ARHGAP19: variants seen among roughly 807,000 people sequenced by gnomAD.
The protein encoded by ARHGAP19 is Rho GTPase activating protein 19.
In ARHGAP19, 48 loss-of-function variants were observed where a neutral mutation model predicts 60.9. The ratio of observed to expected loss-of-function variants is 0.79; its 90% CI spans 0.62 to 1.00. The LOEUF (loss-of-function observed/expected upper bound fraction) is 1.00, where lower values mean the gene tolerates loss of function less well. ARHGAP19 is among the 50% of genes least tolerant of loss of function. The probability of loss-of-function intolerance (pLI) is 0.00; values close to 1 mark genes in which losing one functional copy is unlikely to be tolerated. For synonymous variants in ARHGAP19, 209 were observed against 215.5 expected (o/e 0.97, Z 0.27); for missense variants, 562 against 597.2 (o/e 0.94, Z 0.61).
chr10:97,236,433 C>T (rs916021813), intron 8 of ARHGAP19, among the ~76,000 whole-genome samples: 4 of 152,010 alleles, frequency 2.6e-5, no homozygotes, highest in African/African-American at 7.2e-5. Flanking sequence ...AAATTAGCCA[C>T]GTCTGAAGAG....
chr10:97,252,153 C>T (rs12356648), intron 6 of ARHGAP19, among the ~76,000 whole-genome samples: 6,576 of 151,970 alleles, frequency 0.043, 211 homozygotes, highest in Non-Finnish European at 0.061. Flanking sequence ...AATGATAAAG[C>T]AGGAACATAG....
intron 11 of ARHGAP19, among the ~76,000 whole-genome samples, chr10:97,228,795 T>G (rs192913189): frequency 6.6e-6 from 1 of 152,238 alleles, no homozygotes; most frequent in East Asian, 1.9e-4. Flanking sequence ...AACTATTCCA[T>G]AAGCATACTC....
At chr10:97,278,906 T>C (rs985827823) in intron 1 of ARHGAP19, among the ~76,000 whole-genome samples, 9 of 152,154 alleles carry the variant, frequency 5.9e-5, no homozygotes, top group Non-Finnish European at 7.3e-5. Flanking sequence ...CCCTGGTGAA[T>C]TGCCTAACTT....
At position 97,241,735 on chromosome 10, in the gene ARHGAP19, T is replaced by C. The variant is rs371397147; in HGVS notation, c.1185+2233A>G. Among the ~76,000 whole-genome samples the C allele has an allele frequency of 2.9e-3, 422 of 147,250 alleles. 2 individuals carry two copies. Among genetic ancestry groups the C allele is most frequent in the African/African-American group, 9.4e-3 (371 of 39,616 alleles). On this transcript the variant is annotated intron_variant, in intron 8 of 11. Coordinates refer to ENST00000358531, the MANE Select transcript of ARHGAP19 (RefSeq NM_032900.6). ...CTCAAAAAAATAAAAATAGGCCGGG[T>C]GCAGTGGCTCAAGCCTATAATCCCA...
At chr10:97,241,753 T>C (rs546716248) in intron 8 of ARHGAP19, among the ~76,000 whole-genome samples, 1 of 151,316 alleles carries the variant, frequency 6.6e-6, no homozygotes, top group South Asian at 2.1e-4. Context: ...CTCAAGCCTA[T>C]AATCCCAGCA....
chr10:97,235,742 G>C (rs754682307), intron 8 of ARHGAP19, among the ~76,000 whole-genome samples: 3 of 152,018 alleles, frequency 2.0e-5, no homozygotes, highest in Admixed American at 6.6e-5. Flanking sequence ...TCTTTAAATG[G>C]ACATCTATCA....
chr10:97,270,790 G>A, intron 1 of ARHGAP19: 5 of 806,996 alleles, frequency 6.2e-6, no homozygotes, highest in Non-Finnish European at 7.4e-6. Flanking sequence ...TTAGGACTCT[G>A]AGCACTCATC....
chr10:97,291,218 G>T (rs554156311), intron 1 of ARHGAP19, among the ~76,000 whole-genome samples: 1 of 152,254 alleles, frequency 6.6e-6, no homozygotes, highest in East Asian at 1.9e-4. Flanking sequence ...CCCTTTGTGT[G>T]GGAGCTGTGT....
At chr10:97,232,967 G>A (rs1234926432) in intron 9 of ARHGAP19, among the ~76,000 whole-genome samples, 2 of 152,176 alleles carry the variant, frequency 1.3e-5, no homozygotes, top group East Asian at 3.9e-4. Context: ...GGCCAACATG[G>A]TGAAACCCCA....
rs372891158 is a variant in ARHGAP19 at position 97,246,312 on chromosome 10, G to A, written c.953C>T (p.Ala318Val). ...TCTGGATCCCAAATAGTGCAATCTC[G>A]CACACTCCCGAATGTAAGCAGGAGC... Reference protein sequence around the residue: ...FKAPAYIRECARLHYLGSRTQ... With the variant: ...FKAPAYIRECVRLHYLGSRTQ... The change falls in exon 7 of 12, where the codon GCG becomes GTG. Residue 318 changes from alanine to valine, a missense_variant. Coordinates refer to ENST00000358531, the MANE Select transcript of ARHGAP19 (RefSeq NM_032900.6). 3.2e-5 allele frequency: 52 copies of A among 1,613,406 alleles called. No homozygotes were observed. Among genetic ancestry groups the A allele is most frequent in the African/African-American group, 1.1e-4 (8 of 74,840 alleles).
intron 4 of ARHGAP19, among the ~76,000 whole-genome samples, chr10:97,261,901 T>C (rs1378285106): frequency 1.3e-5 from 2 of 152,144 alleles, no homozygotes; most frequent in Non-Finnish European, 1.5e-5. Flanking sequence ...GAAGAAACTA[T>C]TTATGAGCTG....
chr10:97,232,549 A>C (rs1851044780), intron 9 of ARHGAP19, among the ~76,000 whole-genome samples: 1 of 152,078 alleles, frequency 6.6e-6, no homozygotes, highest in South Asian at 2.1e-4. Flanking sequence ...CCTAATCATA[A>C]ATATGATTTG....
intron 9 of ARHGAP19, among the ~76,000 whole-genome samples, chr10:97,234,029 G>A (rs1211505611): frequency 2.6e-5 from 4 of 151,950 alleles, no homozygotes; most frequent in Non-Finnish European, 4.4e-5. Context: ...CAATTTGGGA[G>A]GCTGAGGCGG....
At chr10:97,226,792 A>G (rs1021990359) in intron 11 of ARHGAP19, among the ~76,000 whole-genome samples, 1 of 152,246 alleles carries the variant, frequency 6.6e-6, no homozygotes, top group Non-Finnish European at 1.5e-5. Context: ...AAAAAGTATT[A>G]TATTTGGCTG....
intron 9 of ARHGAP19, among the ~76,000 whole-genome samples, chr10:97,230,407 G>A (rs2134806458): frequency 6.6e-6 from 1 of 152,264 alleles, no homozygotes; most frequent in South Asian, 2.1e-4. Context: ...CCACAAGAAG[G>A]TAGAGGCCTT....
At chr10:97,255,357 T>C (rs899805744) in intron 6 of ARHGAP19, among the ~76,000 whole-genome samples, 22 of 152,232 alleles carry the variant, frequency 1.4e-4, no homozygotes, top group Admixed American at 3.3e-4. Context: ...GGCAGAAGGA[T>C]TGAACCCAGG....
At chr10:97,250,814 C>T (rs1842633787) in intron 6 of ARHGAP19, among the ~76,000 whole-genome samples, 1 of 151,628 alleles carries the variant, frequency 6.6e-6, no homozygotes, top group Admixed American at 6.6e-5. Flanking sequence ...GCCTGTAATC[C>T]CAACACTTTG....
intron 1 of ARHGAP19, among the ~76,000 whole-genome samples, chr10:97,266,412 C>T (rs142053165): frequency 5.0e-4 from 76 of 152,282 alleles, no homozygotes; most frequent in African/African-American, 1.8e-3. Context: ...CTGACCCATT[C>T]GTCATCATCT....
chr10:97,285,548 C>T (rs137992063), intron 1 of ARHGAP19, among the ~76,000 whole-genome samples: 241 of 127,596 alleles, frequency 1.9e-3, no homozygotes, highest in Non-Finnish European at 2.6e-3. Context: ...GAGACAGAGT[C>T]TCTCCCTCTG....
Sources: gnomAD v4.1 joint callset for allele counts (sites outside exome capture counted in the v4.1 genomes callset) on GRCh38, gnomAD v4.1.1 for gene constraint, MANE v1.5 for transcripts, NCBI Gene and HGNC (gene_info 2026-07-23, HGNC 2026-07-21) for gene names.